Variants in PTPRT observed in about 807,000 individuals in gnomAD.
PTPRT encodes protein tyrosine phosphatase receptor type T.
In PTPRT, 56 loss-of-function variants were observed where a neutral mutation model predicts 176.8. The observed-to-expected ratio is 0.32, with a 90% CI of 0.26 to 0.40. The LOEUF (loss-of-function observed/expected upper bound fraction) is 0.40. Ranked by LOEUF, PTPRT falls within the 10% of genes least tolerant of loss-of-function variation. The pLI is 1.00. For synonymous variants in PTPRT, 783 were observed against 739.0 expected, an observed-to-expected ratio of 1.06 and a Z score of -0.96; for missense variants, 1,540 against 1,908.2, an observed-to-expected ratio of 0.81 and a Z score of 3.60.
intron 2 of PTPRT, among the ~76,000 whole-genome samples, chr20:42,802,541 TC>T (rs1256967577): frequency 6.6e-6 from 1 of 152,240 alleles, no homozygotes; most frequent in Non-Finnish European, 1.5e-5. Flanking sequence ...TAATTATTCC[TC>T]CTATTTTACC....
In PTPRT at chr20:42,084,743, G is replaced by C. The variant is rs773803715; in HGVS notation, c.4075C>G (p.Arg1359Gly). The C allele has an allele frequency of 6.4e-7, 1 of 1,566,650 alleles. No homozygotes were observed. The highest frequency in any genetic ancestry group is 8.7e-7 in the Non-Finnish European group (1 of 1,153,074). Residue 1359 changes from arginine to glycine, a missense_variant, in exon 29 of 31, where the codon CGA (arginine) becomes GGA (glycine). Physicochemically the swap from Arg to Gly is moderately radical, Grantham distance 125. This residue lies in a region of PTPRT where 342 missense variants were observed against 394.0 expected (regional missense o/e 0.87). Transcript: ENST00000373187. ...SKRSLLKVVR[R>G]LEKWQEQYDG... ...TACTGCTCCTGCCACTTCTCCAGTC[G>C]TCGGACCACTTTGAGCAGAGAGCGC...
intron 2 of PTPRT, among the ~76,000 whole-genome samples, chr20:42,854,678 A>T (rs139330733): frequency 6.6e-6 from 1 of 152,184 alleles, no homozygotes; most frequent in Non-Finnish European, 1.5e-5. Context: ...TGGGGGAAAA[A>T]ATTCTGAAAT....
At chr20:42,210,439 C>T (rs1190691323) in intron 15 of PTPRT, among the ~76,000 whole-genome samples, 4 of 152,064 alleles carry the variant, frequency 2.6e-5, no homozygotes, top group Admixed American at 2.0e-4. Flanking sequence ...TGATAAGCAA[C>T]TTCAGCAAAG....
intron 1 of PTPRT, among the ~76,000 whole-genome samples, chr20:43,143,525 G>C (rs1339271785): frequency 6.6e-6 from 1 of 152,164 alleles, no homozygotes; most frequent in African/African-American, 2.4e-5. Flanking sequence ...AGGTAAGGCT[G>C]GGCACCACAC....
chr20:43,143,570 CT>C (rs1209911585), intron 1 of PTPRT, among the ~76,000 whole-genome samples: 2 of 152,134 alleles, frequency 1.3e-5, no homozygotes, highest in Non-Finnish European at 2.9e-5. Flanking sequence ...GTCTGAGGGA[CT>C]TTTCTCTAGC....
At chr20:42,247,089 A>G (rs1568706108) in intron 14 of PTPRT, among the ~76,000 whole-genome samples, 3 of 152,210 alleles carry the variant, frequency 2.0e-5, no homozygotes, top group Non-Finnish European at 4.4e-5. Flanking sequence ...TTCACCCCCA[A>G]TATTAACATA....
chr20:42,418,675 TC>T (rs1340618103), intron 9 of PTPRT, among the ~76,000 whole-genome samples: 1 of 152,102 alleles, frequency 6.6e-6, no homozygotes, highest in African/African-American at 2.4e-5. Context: ...AAAGATGGGT[TC>T]CCAGGCTCTC....
intron 1 of PTPRT, among the ~76,000 whole-genome samples, chr20:42,890,821 T>C (rs954368538): frequency 5.3e-5 from 8 of 152,188 alleles, no homozygotes; most frequent in Non-Finnish European, 1.0e-4. Flanking sequence ...TCATCCTGAA[T>C]TGTAGCTCCC....
intron 11 of PTPRT, among the ~76,000 whole-genome samples, chr20:42,330,994 G>C (rs933441337): frequency 1.3e-5 from 2 of 152,200 alleles, no homozygotes; most frequent in African/African-American, 4.8e-5. Flanking sequence ...ATGTGAAACA[G>C]AACACATTAG....
intron 2 of PTPRT, among the ~76,000 whole-genome samples, chr20:42,813,232 C>T (rs894347804): frequency 5.9e-5 from 9 of 152,126 alleles, no homozygotes; most frequent in African/African-American, 1.2e-4. Context: ...CCTGAACCCT[C>T]GCTTTATTGA....
At chr20:42,598,477 A>G (rs988023229) in intron 7 of PTPRT, among the ~76,000 whole-genome samples, 2 of 152,190 alleles carry the variant, frequency 1.3e-5, no homozygotes, top group Non-Finnish European at 2.9e-5. Context: ...AGGGCATCTT[A>G]TGTTTTGTAA....
intron 7 of PTPRT, among the ~76,000 whole-genome samples, chr20:42,641,765 G>T (rs978681669): frequency 6.6e-6 from 1 of 152,130 alleles, no homozygotes; most frequent in Non-Finnish European, 1.5e-5. Context: ...GGTAAAGAGA[G>T]GCAAGGCAAA....
chr20:43,168,436 C>A (rs2014912252), intron 1 of PTPRT, among the ~76,000 whole-genome samples: 1 of 152,150 alleles, frequency 6.6e-6, no homozygotes, highest in African/African-American at 2.4e-5. Flanking sequence ...AGACTGACAT[C>A]ATGAGGAAGG....
intron 13 of PTPRT, among the ~76,000 whole-genome samples, chr20:42,259,307 T>C (rs1474681681): frequency 1.3e-5 from 2 of 152,230 alleles, no homozygotes; most frequent in African/African-American, 4.8e-5. Context: ...TCCTTTATTC[T>C]ATTAAGAAAG....
intron 7 of PTPRT, among the ~76,000 whole-genome samples, chr20:42,486,675 G>C (rs747300337): frequency 9.9e-5 from 15 of 152,110 alleles, no homozygotes; most frequent in Non-Finnish European, 2.1e-4. Flanking sequence ...ACATCTGCTT[G>C]TATAATCTCC....
chr20:42,343,663 T>A (rs537440853), intron 11 of PTPRT, among the ~76,000 whole-genome samples: 15 of 152,350 alleles, frequency 9.8e-5, no homozygotes, highest in South Asian at 4.1e-4. Flanking sequence ...TTTCTGATTG[T>A]CTTTCCTATT....
At chr20:42,804,894 A>G (rs2077583162) in intron 2 of PTPRT, among the ~76,000 whole-genome samples, 1 of 152,206 alleles carries the variant, frequency 6.6e-6, no homozygotes, top group Non-Finnish European at 1.5e-5. Flanking sequence ...CCCTACTCCA[A>G]TATGGCTTTA....
At chr20:42,259,145 C>T (rs983065617) in intron 13 of PTPRT, among the ~76,000 whole-genome samples, 1 of 152,228 alleles carries the variant, frequency 6.6e-6, no homozygotes, top group Non-Finnish European at 1.5e-5. Context: ...GCTGATTTTG[C>T]TTGGTCTCCT....
At chr20:42,393,193 G>A (rs886967838) in intron 9 of PTPRT, among the ~76,000 whole-genome samples, 2 of 152,192 alleles carry the variant, frequency 1.3e-5, no homozygotes, top group Non-Finnish European at 2.9e-5. Context: ...AAGGCTGGGG[G>A]AAGGTGAGAT....
Sources: gnomAD v4.1 joint callset for allele counts (sites outside exome capture counted in the v4.1 genomes callset) on GRCh38, gnomAD v4.1.1 for gene constraint, gnomAD v4.1.1 regional missense constraint, MANE v1.5 for transcripts, NCBI Gene and HGNC (gene_info 2026-07-23, HGNC 2026-07-21) for gene names.